Variants in DDX43 observed in about 807,000 individuals in gnomAD.
DDX43 encodes DEAD-box helicase 43.
DDX43 carries 50 observed loss-of-function variants against 84.9 expected under a neutral mutation model. The observed-to-expected ratio is 0.59, with a 90% confidence interval of 0.47 to 0.75. DDX43 has a LOEUF of 0.75. Ranked by LOEUF, DDX43 falls within the 30% of genes least tolerant of loss-of-function variation. The pLI, the probability that DDX43 is intolerant of heterozygous loss-of-function variation, is 0.00. For synonymous variants in DDX43, 291 were observed against 266.3 expected (o/e 1.09, Z -0.90); for missense variants, 689 against 798.6 (o/e 0.86, Z 1.65).
chr6:73,407,900 T>G, intron 8 of DDX43, 60 bp from the exon 9 acceptor site: 1 of 1,517,568 alleles, frequency 6.6e-7, no homozygotes, highest in South Asian at 1.2e-5. Flanking sequence ...TTATTGGATT[T>G]TAAGTTGTGA....
chr6:73,405,598 T>A, intron 5 of DDX43, 81 bp from the exon 6 acceptor site: 6 of 1,390,072 alleles, frequency 4.3e-6, no homozygotes, highest in Non-Finnish European at 5.9e-6. Flanking sequence ...AATTTCTAGA[T>A]AAGACCAGCA....
chr6:73,395,485 G>C lies in DDX43; in HGVS notation c.250+330G>C, dbSNP rs561111892. Reference sequence around the variant, plus strand: ...AAAAAATAGCTGGGCGTGGTGGCGCGCGCCTGTAATCCCAGATACTCCGGA... The same window carrying C: ...AAAAAATAGCTGGGCGTGGTGGCGCCCGCCTGTAATCCCAGATACTCCGGA... On this transcript the variant is annotated intron_variant, in intron 1 of 16. Coordinates refer to ENST00000370336, the MANE Select transcript of DDX43 (RefSeq NM_018665.3). Among the ~76,000 whole-genome samples the C allele has an allele frequency of 2.6e-5, 4 of 151,912 alleles. No individual in the cohort carries two copies. The East Asian group carries it at 7.8e-4, about 29-fold the overall frequency.
At chr6:73,412,918 A>G (rs761185579) in intron 11 of DDX43, among the ~76,000 whole-genome samples, 5 of 152,092 alleles carry the variant, frequency 3.3e-5, no homozygotes, top group Non-Finnish European at 5.9e-5. Context: ...TAGTAGAGAC[A>G]GGGTTTTGCC....
chr6:73,403,798 T>C (rs1278095460), intron 4 of DDX43, among the ~76,000 whole-genome samples: 4 of 151,096 alleles, frequency 2.6e-5, no homozygotes, highest in Non-Finnish European at 5.9e-5. Flanking sequence ...TACAGGCACA[T>C]ACCACCATGC....
chr6:73,414,127 A>G (rs1268950565), intron 13 of DDX43, 48 bp downstream of exon 13: 1 of 1,195,346 alleles, frequency 8.4e-7, no homozygotes, highest in East Asian at 2.4e-5. Context: ...TTAGTGCAAT[A>G]CCTGGGCTTG....
At chr6:73,397,964 ATTTAT>A in intron 2 of DDX43, 1 of 377,342 alleles carries the variant, frequency 2.7e-6, no homozygotes, top group Non-Finnish European at 4.7e-6. Context: ...AGCCCAGCTA[ATTTAT>A]TTTATTTTAT....
chr6:73,413,672 G>A lies in DDX43; in HGVS notation c.1383G>A (p.Val461=). 6.2e-7 allele frequency: 1 copy of A among 1,613,570 alleles called. No individual in the cohort carries two copies. The highest frequency in any genetic ancestry group is 1.1e-5 in the South Asian group (1 of 90,958). ...GAATCCTTTAGGCTGTAAGTTCAGT[G>A]AAGCAAAATATAATTGTAACCACCG... The part of the protein sequence containing the change: ...GTLDLVAVSS[V]KQNIIVTTEE... The change falls in exon 12 of 17, where the codon GTG becomes GTA. Residue 461 remains valine (V), a synonymous_variant. Transcript: ENST00000370336.
intron 10 of DDX43, among the ~76,000 whole-genome samples, chr6:73,411,695 GTATT>G (rs1186030447): frequency 6.6e-6 from 1 of 151,906 alleles, no homozygotes; most frequent in Non-Finnish European, 1.5e-5. Context: ...TAAAAACCTA[GTATT>G]TATTTACTTA....
In DDX43 at chr6:73,407,529, CG is replaced by C. The variant is rs781086555; in HGVS notation, c.953del (p.Gly318AlafsTer3). 65 of 1,612,996 alleles carry C rather than the reference CG, an allele frequency of 4.0e-5. No homozygotes were observed. The highest frequency in any genetic ancestry group is 5.3e-5 in the Non-Finnish European group (62 of 1,179,228). ...GCCTTAAAGGTCAAAGGAATAGACC[CG>C]GCATGTTAGTTCTAACTCCCACTCG... ...PSLKGQRNRP[G>X]MLVLTPTREL... On this transcript the variant is annotated frameshift_variant, in exon 8 of 17. Coordinates refer to ENST00000370336, the MANE Select transcript of DDX43 (RefSeq NM_018665.3). LOFTEE classifies it high-confidence loss of function.
intron 11 of DDX43, among the ~76,000 whole-genome samples, chr6:73,412,668 T>TGTGTGTGGGC (rs538597626): frequency 9.2e-6 from 1 of 108,396 alleles, no homozygotes; most frequent in East Asian, 2.9e-4. Context: ...TGTGTGTGTG[T>TGTGTGTGGGC]GCGCGCGCGC....
chr6:73,408,241 C>G, intron 9 of DDX43, 140 bp downstream of exon 9: 1 of 731,216 alleles, frequency 1.4e-6, no homozygotes. Flanking sequence ...TCGAGACCAA[C>G]CTGACCAATA....
intron 8 of DDX43, 80 bp from the exon 9 acceptor site, chr6:73,407,880 T>A (rs1769713365): frequency 7.2e-7 from 1 of 1,390,234 alleles, no homozygotes; most frequent in African/African-American, 1.4e-5. Context: ...ATAATTGATT[T>A]TTATCCCTTT....
Position 73,405,668 on chromosome 6 carries a change from A to C in DDX43, c.651-11A>C. On this transcript the variant is annotated splice_polypyrimidine_tract_variant and intron_variant, in intron 5 of 16. Transcript: ENST00000370336. Reference sequence around the variant, plus strand: ...GTGAGGAAAGCCACTGATGTTTTTTATTCTTTGAAGGAAAGAAAATTTTAA... The same window carrying C: ...GTGAGGAAAGCCACTGATGTTTTTTCTTCTTTGAAGGAAAGAAAATTTTAA... The C allele has an allele frequency of 6.2e-7, 1 of 1,610,818 alleles. No individual in the cohort carries two copies. Among genetic ancestry groups the C allele is most frequent in the Non-Finnish European group, 8.5e-7 (1 of 1,178,882 alleles).
chr6:73,397,219 T>A (rs972637665), intron 1 of DDX43, among the ~76,000 whole-genome samples: 1 of 152,188 alleles, frequency 6.6e-6, no homozygotes, highest in Non-Finnish European at 1.5e-5. Flanking sequence ...CAACACTTTT[T>A]TTCTGTTTTT....
intron 11 of DDX43, among the ~76,000 whole-genome samples, chr6:73,412,638 A>ATATAGTGTGTGTGTGT (rs376258603): frequency 8.4e-5 from 5 of 59,634 alleles, no homozygotes; most frequent in Admixed American, 2.9e-4. Context: ...ATATATATAT[A>ATATAGTGTGTGTGTGT]GTGTGTGTGT....
chr6:73,396,212 A>T (rs1047943449), intron 1 of DDX43, among the ~76,000 whole-genome samples: 4 of 152,198 alleles, frequency 2.6e-5, no homozygotes, highest in African/African-American at 9.6e-5. Flanking sequence ...TCGGCCTCCC[A>T]AAGTGCTGAG....
intron 4 of DDX43, among the ~76,000 whole-genome samples, chr6:73,403,448 C>T (rs1020838703): frequency 1.3e-5 from 2 of 151,644 alleles, no homozygotes; most frequent in Admixed American, 6.6e-5. Context: ...CCAGCCTGGG[C>T]GACAGAGTAA....
intron 3 of DDX43, among the ~76,000 whole-genome samples, chr6:73,400,805 T>C (rs1769552534): frequency 1.3e-5 from 2 of 152,116 alleles, no homozygotes; most frequent in Non-Finnish European, 2.9e-5. Context: ...ATCTCAGATC[T>C]GTTTAGAATA....
intron 11 of DDX43, among the ~76,000 whole-genome samples, chr6:73,412,666 TGTGCGCGCGCGC>T (rs1450048366): frequency 2.2e-3 from 187 of 84,156 alleles, no homozygotes; most frequent in African/African-American, 6.0e-3. Context: ...TGTGTGTGTG[TGTGCGCGCGCGC>T]GTGTGTGTGT....
Sources: allele counts gnomAD v4.1 joint callset (sites outside exome capture counted in the v4.1 genomes callset), GRCh38; gene constraint gnomAD v4.1.1; transcripts MANE v1.5; gene names NCBI Gene and HGNC (gene_info 2026-07-23, HGNC 2026-07-21).